The following RAB11FIP2 variants were observed in gnomAD, a reference collection of about 807,000 sequenced individuals.
RAB11FIP2 encodes the protein RAB11 family interacting protein 2.
Under a neutral mutation model 40.9 loss-of-function variants are expected in RAB11FIP2, and 16 were observed. That is an observed-to-expected ratio of 0.39 (90% CI 0.26 to 0.59). RAB11FIP2 has a LOEUF of 0.59. Among genes scored for constraint, RAB11FIP2 ranks in the 20% least tolerant of loss-of-function variants. RAB11FIP2 has a pLI of 0.53. For missense variants in RAB11FIP2, 532 were observed against 606.2 expected (o/e 0.88, Z 1.28); for synonymous variants, 228 against 213.7 (o/e 1.07, Z -0.58).
rs1455354313 is a variant in RAB11FIP2, at chr10:118,046,886, G to C, written c.-723C>G. 6.5e-6 allele frequency: 1 copy of C among 153,346 alleles called. No homozygotes were observed. The highest frequency in any genetic ancestry group is 1.9e-4 in the East Asian group (1 of 5,210). The allele number at this position is 153,346 out of a possible 1,614,324, so 9.5% of individuals were successfully genotyped here. A position where few individuals can be genotyped will look rare whatever the true frequency, so the allele number is the denominator to read the frequency against. On this transcript the variant is annotated 5_prime_UTR_variant, in exon 1 of 5. Coordinates refer to ENST00000355624, the MANE Select transcript of RAB11FIP2 (RefSeq NM_014904.3). ...CGGCCGGCGGCTCCTAACACCGGGC[G>C]GGCGGCTGCGGCGGCACTTCCGGGT...
chr10:118,041,360 T>TA (rs1212645113), intron 1 of RAB11FIP2, among the ~76,000 whole-genome samples: 1 of 152,148 alleles, frequency 6.6e-6, no homozygotes, highest in Non-Finnish European at 1.5e-5. Flanking sequence ...AGCCAAATCT[T>TA]ACGTTTTAGT....
intron 3 of RAB11FIP2, among the ~76,000 whole-genome samples, chr10:118,036,520 C>G (rs1846483157): frequency 6.6e-6 from 1 of 152,104 alleles, no homozygotes; most frequent in African/African-American, 2.4e-5. Flanking sequence ...AAATTCCACT[C>G]AAGATAAAGC....
intron 3 of RAB11FIP2, among the ~76,000 whole-genome samples, chr10:118,033,044 G>T (rs1371851338): frequency 6.6e-6 from 1 of 151,482 alleles, no homozygotes; most frequent in Non-Finnish European, 1.5e-5. Flanking sequence ...CCTAATTTAT[G>T]AATTAAACTT....
chr10:118,016,590 C>A (rs1013082252), intron 3 of RAB11FIP2, among the ~76,000 whole-genome samples: 2 of 152,162 alleles, frequency 1.3e-5, no homozygotes, highest in African/African-American at 4.8e-5. Context: ...ATTAATCTCT[C>A]CTACCCCATT....
chr10:118,040,922 T>A (rs563125777), intron 1 of RAB11FIP2, among the ~76,000 whole-genome samples: 57 of 151,704 alleles, frequency 3.8e-4, no homozygotes, highest in African/African-American at 1.4e-3. Context: ...CTAAGGACAT[T>A]TTTTTTTAAC....
At chr10:118,021,569 C>A (rs1846283171) in intron 3 of RAB11FIP2, among the ~76,000 whole-genome samples, 1 of 152,212 alleles carries the variant, frequency 6.6e-6, no homozygotes, top group Non-Finnish European at 1.5e-5. Context: ...TACCAAGTAG[C>A]CCTTGCTGAC....
In RAB11FIP2 at chr10:118,007,512, G is replaced by A. The variant is rs912348107; in HGVS notation, c.*1486C>T. On this transcript the variant is annotated 3_prime_UTR_variant, in exon 5 of 5. Transcript: ENST00000355624. ...TAACTTTCAATGGAGTCTTAACAGA[G>A]ATAAGTATTAGAAAAAAATGCAATT... is the stretch of plus-strand genomic sequence containing the variant. 8.0e-5 allele frequency: 12 copies of A among 150,936 alleles called. No individual in the cohort carries two copies. Among genetic ancestry groups the A allele is most frequent in the Non-Finnish European group, 1.6e-4 (11 of 67,764 alleles). The allele number at this position is 150,936 out of a possible 1,614,324, so 9.3% of individuals were successfully genotyped here.
intron 3 of RAB11FIP2, among the ~76,000 whole-genome samples, chr10:118,025,724 G>A (rs925602397): frequency 1.3e-5 from 2 of 152,118 alleles, no homozygotes; most frequent in African/African-American, 4.8e-5. Flanking sequence ...ACAGTTTTAG[G>A]CAGGTTAGGT....
At chr10:118,014,877 C>A (rs1321671477) in intron 4 of RAB11FIP2, among the ~76,000 whole-genome samples, 188 bp downstream of exon 4, 1 of 152,086 alleles carries the variant, frequency 6.6e-6, no homozygotes, top group Non-Finnish European at 1.5e-5. Context: ...ACGAGTCACA[C>A]CCTATTGTAT....
At chr10:118,012,242 A>C (rs1720281215) in intron 4 of RAB11FIP2, among the ~76,000 whole-genome samples, 1 of 151,922 alleles carries the variant, frequency 6.6e-6, no homozygotes, top group Non-Finnish European at 1.5e-5. Context: ...CCTTACAACA[A>C]TCTAACACTA....
At position 118,040,263 on chromosome 10, in the gene RAB11FIP2, G is replaced by A. The variant is rs1846538514; in HGVS notation, c.656C>T (p.Pro219Leu). ...TGAATGCGCTGACGAGAGTCGCTGA[G>A]GACCCAAGAGAAAAGGCTTTTTTGG... Reference protein sequence around the residue: ...SKPKKPFLLGPQRLSSAHSMS... With the variant: ...SKPKKPFLLGLQRLSSAHSMS... Residue 219 changes from proline to leucine, a missense_variant, in exon 2 of 5, where the codon CCT (proline) becomes CTT (leucine). Physicochemically the swap from Pro to Leu is moderately conservative, Grantham distance 98. Coordinates refer to ENST00000355624, the MANE Select transcript of RAB11FIP2 (RefSeq NM_014904.3). 1.2e-6 allele frequency: 2 copies of A among 1,613,670 alleles called. No individual in the cohort carries two copies. The highest frequency in any genetic ancestry group is 1.1e-5 in the South Asian group (1 of 91,086).
In RAB11FIP2 at chr10:118,005,320, T is replaced by C. The variant is rs148562120; in HGVS notation, c.*3678A>G. 3 of 152,772 alleles carry C rather than the reference T, an allele frequency of 2.0e-5. No individual in the cohort carries two copies. The highest frequency in any genetic ancestry group is 2.9e-5 in the Non-Finnish European group (2 of 68,034). 9.5% of individuals were successfully genotyped at this position (152,772 alleles called of 1,614,324 possible). A position where few individuals can be genotyped will look rare whatever the true frequency, so the allele number is the denominator to read the frequency against. ...GAATGAAACATCAACTCTATTTTAA[T>C]GCTTGAAGAGCTTCTATACCTCTTA... is the stretch of plus-strand genomic sequence containing the variant. On this transcript the variant is annotated 3_prime_UTR_variant, in exon 5 of 5. Coordinates refer to ENST00000355624, the MANE Select transcript of RAB11FIP2 (RefSeq NM_014904.3).
At chr10:118,017,296 A>G (rs1846233239) in intron 3 of RAB11FIP2, among the ~76,000 whole-genome samples, 1 of 152,182 alleles carries the variant, frequency 6.6e-6, no homozygotes, top group African/African-American at 2.4e-5. Context: ...TGAATCAGAG[A>G]ATAACAATGT....
chr10:118,045,748 G>T, intron 1 of RAB11FIP2, 63 bp downstream of exon 1: 3 of 1,345,408 alleles, frequency 2.2e-6, no homozygotes, highest in Admixed American at 2.4e-5. Context: ...TAATTTCCAA[G>T]AACAGAAAAA....
chr10:118,013,627 T>C (rs1846182099), intron 4 of RAB11FIP2, among the ~76,000 whole-genome samples: 1 of 152,086 alleles, frequency 6.6e-6, no homozygotes, highest in South Asian at 2.1e-4. Flanking sequence ...CTTCCTCCTC[T>C]TAATTGTATC....
At chr10:118,018,655 TG>T (rs1465601431) in intron 3 of RAB11FIP2, among the ~76,000 whole-genome samples, 1 of 152,252 alleles carries the variant, frequency 6.6e-6, no homozygotes, top group African/African-American at 2.4e-5. Flanking sequence ...AAATTTGAAA[TG>T]TTTTCAAATA....
At chr10:118,036,320 A>G (rs1416431706) in intron 3 of RAB11FIP2, among the ~76,000 whole-genome samples, 1 of 152,116 alleles carries the variant, frequency 6.6e-6, no homozygotes, top group Non-Finnish European at 1.5e-5. Flanking sequence ...AAATAGGTCT[A>G]TTTAGCACTC....
chr10:118,010,099 A>T (rs1054305212), intron 4 of RAB11FIP2, among the ~76,000 whole-genome samples: 3 of 152,178 alleles, frequency 2.0e-5, no homozygotes, highest in African/African-American at 7.2e-5. Flanking sequence ...TGTTATATCA[A>T]AAGTGAAAGA....
Position 118,045,926 on chromosome 10 carries a change from A to G in RAB11FIP2, c.238T>C (p.Tyr80His), listed in dbSNP as rs746180972. 6.2e-7 allele frequency: 1 copy of G among 1,614,218 alleles called. No individual in the cohort carries two copies. Among genetic ancestry groups the G allele is most frequent in the Non-Finnish European group, 8.5e-7 (1 of 1,180,036 alleles). ...TGCATAACTATAAGGAAAAGAATGT[A>G]TTTCTCTGGACTTCCCTGAATTAGC... The part of the protein sequence containing the change: ...GLLIQGSPEK[Y>H]ILFLIVMHRS... The change falls in exon 1 of 5, where the codon TAC (tyrosine) becomes CAC (histidine). Residue 80 changes from tyrosine (Y) to histidine (H), a missense_variant. Coordinates refer to ENST00000355624, the MANE Select transcript of RAB11FIP2 (RefSeq NM_014904.3).
Sources: allele counts gnomAD v4.1 joint callset (sites outside exome capture counted in the v4.1 genomes callset), GRCh38; gene constraint gnomAD v4.1.1; transcripts MANE v1.5; gene names NCBI Gene and HGNC (gene_info 2026-07-23, HGNC 2026-07-21).